Variants in AMD1 observed in about 807,000 individuals in gnomAD.
The protein encoded by AMD1 is adenosylmethionine decarboxylase 1.
AMD1 carries 11 observed loss-of-function variants against 40.2 expected under a neutral mutation model. The ratio of observed to expected loss-of-function variants is 0.27; its 90% CI spans 0.17 to 0.45. The LOEUF (loss-of-function observed/expected upper bound fraction) is 0.45. Among genes scored for constraint, AMD1 ranks in the 20% least tolerant of loss-of-function variants. The pLI is 1.00. For synonymous variants in AMD1, 121 were observed against 130.8 expected (o/e 0.93, Z 0.51); for missense variants, 257 against 410.2 (o/e 0.63, Z 3.23).
At chr6:110,828,410 G>A in the AMD1 span, among the ~76,000 whole-genome samples, 40 of 151,992 alleles carry the variant, frequency 2.6e-4, no homozygotes, top group Middle Eastern at 6.8e-3. Context: ...TCCAGCCTGG[G>A]GGACAAGAGT....
the AMD1 span, among the ~76,000 whole-genome samples, chr6:110,841,091 G>A: frequency 2.0e-5 from 3 of 152,088 alleles, no homozygotes; most frequent in Admixed American, 2.0e-4. Flanking sequence ...TCAGCTCACC[G>A]CAACCTCCAC....
At chr6:110,874,774 G>A (rs983210786), upstream of AMD1, 9 of 193,682 alleles carry the variant, frequency 4.6e-5, no homozygotes, top group African/African-American at 1.4e-4. Context: ...CGGTGCTCAC[G>A]CAGCGCTCTC....
At chr6:110,847,046 TGTGTGTGTGTGTGTGTG>T in the AMD1 span, among the ~76,000 whole-genome samples, 2 of 141,826 alleles carry the variant, frequency 1.4e-5, no homozygotes, top group African/African-American at 5.4e-5. Flanking sequence ...TAGGAGAGTG[TGTGTGTGTGTGTGTGTG>T]GTGTGTGTGT....
At chr6:110,880,322 G>A (rs886283826) in intron 1 of AMD1, among the ~76,000 whole-genome samples, 9 of 152,078 alleles carry the variant, frequency 5.9e-5, no homozygotes, top group Admixed American at 5.9e-4. Context: ...TTATTCTGTA[G>A]GTTGTCTTTT....
the AMD1 span, among the ~76,000 whole-genome samples, chr6:110,861,106 C>T: frequency 4.6e-5 from 7 of 152,204 alleles, no homozygotes; most frequent in Middle Eastern, 3.4e-3. Context: ...CTCCTGTAAT[C>T]CCAGCACTTT....
chr6:110,852,290 T>C, the AMD1 span, among the ~76,000 whole-genome samples: 3 of 144,528 alleles, frequency 2.1e-5, no homozygotes, highest in African/African-American at 7.6e-5. Flanking sequence ...GGCACGATCT[T>C]GGCTCACTGC....
chr6:110,851,791 T>A, the AMD1 span, among the ~76,000 whole-genome samples: 1 of 152,182 alleles, frequency 6.6e-6, no homozygotes. Flanking sequence ...ACATAGTGTT[T>A]AACATCACCC....
chr6:110,858,100 T>C, the AMD1 span: 1 of 475,444 alleles, frequency 2.1e-6, no homozygotes, highest in Non-Finnish European at 4.0e-6. Flanking sequence ...CATCTTGGCC[T>C]CCCAACGTGC....
chr6:110,824,598 A>C, the AMD1 span, among the ~76,000 whole-genome samples: 9 of 152,230 alleles, frequency 5.9e-5, no homozygotes, highest in Admixed American at 5.9e-4. Context: ...GTTTTTAAAA[A>C]AGTTATTTAA....
upstream of AMD1, among the ~76,000 whole-genome samples, chr6:110,870,035 G>A (rs1214825072): frequency 3.3e-5 from 5 of 152,194 alleles, no homozygotes; most frequent in African/African-American, 1.2e-4. Flanking sequence ...ACAGGCATTA[G>A]CCACTGTGCC....
At chr6:110,872,127 G>A (rs1334353925), upstream of AMD1, among the ~76,000 whole-genome samples, 1 of 152,114 alleles carries the variant, frequency 6.6e-6, no homozygotes, top group East Asian at 1.9e-4. Flanking sequence ...GCAAAAAGTG[G>A]GCCTTGAGAA....
chr6:110,893,467 T>C lies in AMD1; in HGVS notation c.865-9T>C, dbSNP rs781459725. ...CAAACACTAACGGTTATTTAATTTT[T>C]TCCCCCAGAGTTCTAAATGTCGCAC... On this transcript the variant is annotated splice_polypyrimidine_tract_variant and intron_variant, in intron 8 of 8. Transcript: ENST00000368885. 5.0e-6 allele frequency: 8 copies of C among 1,612,068 alleles called. No homozygotes were observed. The Admixed American group carries it at 1.2e-4, about 24-fold the overall frequency.
At chr6:110,831,104 A>C in the AMD1 span, among the ~76,000 whole-genome samples, 1 of 151,748 alleles carries the variant, frequency 6.6e-6, no homozygotes, top group East Asian at 1.9e-4. Context: ...TTACTACTCA[A>C]TTTTGCAACT....
At chr6:110,825,137 A>G in the AMD1 span, among the ~76,000 whole-genome samples, 3 of 152,228 alleles carry the variant, frequency 2.0e-5, no homozygotes, top group African/African-American at 4.8e-5. Flanking sequence ...ATGCATACCT[A>G]TGATTATAAG....
the AMD1 span, among the ~76,000 whole-genome samples, chr6:110,860,480 T>A: frequency 6.6e-6 from 1 of 152,084 alleles, no homozygotes. Context: ...GCCCTAATTA[T>A]AATACCATTC....
At chr6:110,881,684 G>A (rs1785415722) in intron 1 of AMD1, among the ~76,000 whole-genome samples, 1 of 152,002 alleles carries the variant, frequency 6.6e-6, no homozygotes, top group Non-Finnish European at 1.5e-5. Context: ...AGCCTGACAT[G>A]GTGGCAGATG....
the AMD1 span, among the ~76,000 whole-genome samples, chr6:110,828,349 G>A: frequency 2.6e-5 from 4 of 151,606 alleles, no homozygotes; most frequent in Admixed American, 1.3e-4. Context: ...GGAGAGAATC[G>A]CTTCAACCCA....
chr6:110,859,177 T>C, the AMD1 span: 3 of 977,922 alleles, frequency 3.1e-6, no homozygotes, highest in Non-Finnish European at 4.5e-6. Flanking sequence ...CCCCATATCA[T>C]CTCCCCGTCT....
chr6:110,845,144 A>T, the AMD1 span, among the ~76,000 whole-genome samples: 1 of 150,098 alleles, frequency 6.7e-6, no homozygotes, highest in Non-Finnish European at 1.5e-5. Context: ...GGTTCAAGAG[A>T]TCTCCTGCCT....
Sources: gnomAD v4.1 joint callset for allele counts (sites outside exome capture counted in the v4.1 genomes callset) on GRCh38, gnomAD v4.1.1 for gene constraint, MANE v1.5 for transcripts, NCBI Gene and HGNC (gene_info 2026-07-23, HGNC 2026-07-21) for gene names.